RASGRF2: variants seen among roughly 807,000 people sequenced by gnomAD.
The protein encoded by RASGRF2 is ras-specific guanine nucleotide-releasing factor 2.
In RASGRF2, 76 loss-of-function variants were observed where a neutral mutation model predicts 151.0. That is an observed-to-expected ratio of 0.50 (90% CI 0.42 to 0.61). The LOEUF is 0.61. Ranked by LOEUF, RASGRF2 falls within the 20% of genes least tolerant of loss-of-function variation. The pLI, the probability that RASGRF2 is intolerant of heterozygous loss-of-function variation, is 0.00. For missense variants in RASGRF2, 1,148 were observed against 1,564.6 expected (o/e 0.73, Z 4.49); for synonymous variants, 504 against 566.5 (o/e 0.89, Z 1.57).
chr5:81,159,189 G>A (rs1004113125), intron 17 of RASGRF2, among the ~76,000 whole-genome samples: 1 of 152,242 alleles, frequency 6.6e-6, no homozygotes, highest in Admixed American at 6.5e-5. Flanking sequence ...ATGAATGACT[G>A]GGACATGCTA....
rs181050460 is a variant in RASGRF2, at chr5:81,055,229, G to T, written c.395+12246G>T. ...CAGTTTTCAAAGGGAATGCTTCCAG[G>T]TTTTGCCCATTCAGTATGATATTTG... On this transcript the variant is annotated intron_variant, in intron 2 of 26. Transcript: ENST00000265080. Among the ~76,000 whole-genome samples the T allele has an allele frequency of 4.5e-3, 680 of 152,206 alleles. 5 individuals are homozygous for T. Among genetic ancestry groups the T allele is most frequent in the South Asian group, 0.024 (115 of 4,824 alleles).
chr5:81,073,681 C>T (rs1024638198), intron 5 of RASGRF2, among the ~76,000 whole-genome samples: 3 of 151,920 alleles, frequency 2.0e-5, no homozygotes, highest in East Asian at 1.9e-4. Flanking sequence ...TGCAGTGGCA[C>T]AATCTCGGCT....
intron 17 of RASGRF2, among the ~76,000 whole-genome samples, chr5:81,129,177 T>C (rs2112576368): frequency 6.6e-6 from 1 of 152,300 alleles, no homozygotes; most frequent in East Asian, 1.9e-4. Flanking sequence ...GTGGTTTAAA[T>C]AGCCTTGTTG....
intron 17 of RASGRF2, among the ~76,000 whole-genome samples, chr5:81,130,629 C>T (rs1753592101): frequency 6.6e-6 from 1 of 152,092 alleles, no homozygotes; most frequent in African/African-American, 2.4e-5. Context: ...AGGGCTAGAC[C>T]TAGATACCTG....
chr5:81,049,967 C>T (rs1026414217), intron 2 of RASGRF2, among the ~76,000 whole-genome samples: 5 of 152,180 alleles, frequency 3.3e-5, no homozygotes, highest in African/African-American at 4.8e-5. Context: ...CAAACCCAAA[C>T]TCATGTATTT....
At chr5:81,183,364 AT>A (rs1754960255) in intron 18 of RASGRF2, 1 of 945,754 alleles carries the variant, frequency 1.1e-6, no homozygotes, top group African/African-American at 1.8e-5. Flanking sequence ...ATTCAGGAGA[AT>A]TAAAAAGTTG....
chr5:81,085,613 C>CT (rs76354880), intron 7 of RASGRF2, among the ~76,000 whole-genome samples, 189 bp from the exon 8 acceptor site: 1,564 of 151,878 alleles, frequency 0.01, 46 homozygotes, highest in East Asian at 0.1. Context: ...TTGGTGAAGT[C>CT]TTTTTTTTGG....
intron 1 of RASGRF2, among the ~76,000 whole-genome samples, chr5:81,009,468 G>C (rs901765090): frequency 3.9e-5 from 6 of 152,208 alleles, no homozygotes; most frequent in African/African-American, 1.4e-4. Context: ...ATGTCTGTCA[G>C]ATGGAGCATC....
intron 17 of RASGRF2, among the ~76,000 whole-genome samples, chr5:81,129,064 G>A (rs1753547351): frequency 6.6e-6 from 1 of 152,130 alleles, no homozygotes; most frequent in South Asian, 2.1e-4. Context: ...ACTTGAACCT[G>A]GGAGGTAGAG....
chr5:80,995,379 C>CATAT (rs751207758), intron 1 of RASGRF2, among the ~76,000 whole-genome samples: 1,688 of 132,224 alleles, frequency 0.013, 38 homozygotes, highest in African/African-American at 0.042. Flanking sequence ...AATGGAATTT[C>CATAT]ATATATATAT....
chr5:81,032,567 G>C lies in RASGRF2; in HGVS notation c.289-10310G>C, dbSNP rs575790028. 2.0e-5 allele frequency among the ~76,000 whole-genome samples: 3 copies of C among 152,288 alleles called. No individual in the cohort carries two copies. In the South Asian group the frequency reaches 6.2e-4, roughly 32 times the overall value. Reference sequence around the variant, plus strand: ...AAACCACATGATTATCTCAATAGATGCAGAAAAGGCCTTTGACAAAATTCA... The same window carrying C: ...AAACCACATGATTATCTCAATAGATCCAGAAAAGGCCTTTGACAAAATTCA... On this transcript the variant is annotated intron_variant, in intron 1 of 26. Coordinates refer to ENST00000265080, the MANE Select transcript of RASGRF2 (RefSeq NM_006909.3).
chr5:81,048,524 A>G (rs1045072482), intron 2 of RASGRF2, among the ~76,000 whole-genome samples: 2 of 152,228 alleles, frequency 1.3e-5, no homozygotes, highest in Non-Finnish European at 2.9e-5. Flanking sequence ...TACTTTCGTC[A>G]GCTGTCTTTC....
chr5:81,224,656 G>A (rs1435864993), intron 26 of RASGRF2, among the ~76,000 whole-genome samples: 1 of 152,172 alleles, frequency 6.6e-6, no homozygotes, highest in Non-Finnish European at 1.5e-5. Context: ...ACAGATGAAT[G>A]GATAAACAAA....
intron 18 of RASGRF2, among the ~76,000 whole-genome samples, chr5:81,185,618 C>T (rs1561250210): frequency 6.6e-6 from 1 of 152,160 alleles, no homozygotes; most frequent in African/African-American, 2.4e-5. Flanking sequence ...CACTGCCCAC[C>T]TGCCACATCT....
Position 81,207,422 on chromosome 5 carries a change from C to A in RASGRF2, c.3071+73C>A, listed in dbSNP as rs539799411. 61 of 1,333,464 alleles carry A rather than the reference C, an allele frequency of 4.6e-5. 1 individual carries two copies. In the East Asian group the frequency reaches 1.3e-3, roughly 27 times the overall value. The allele number at this position is 1,333,464 out of a possible 1,614,324, so 82.6% of individuals were successfully genotyped here. On this transcript the variant is annotated intron_variant, in intron 21 of 26. Transcript: ENST00000265080. Reference sequence around the variant, plus strand: ...TTAGAAGTTGACATTATTCCTAAGGCAGGTTGTGTGTATGTCTGTCCCCTC... The same window carrying A: ...TTAGAAGTTGACATTATTCCTAAGGAAGGTTGTGTGTATGTCTGTCCCCTC...
intron 2 of RASGRF2, among the ~76,000 whole-genome samples, chr5:81,064,462 A>G (rs1751535763): frequency 6.6e-6 from 1 of 152,192 alleles, no homozygotes; most frequent in African/African-American, 2.4e-5. Context: ...GCTCACACTC[A>G]AAAGGAAGGC....
At chr5:81,102,006 C>G (rs1752710171) in intron 12 of RASGRF2, among the ~76,000 whole-genome samples, 1 of 152,102 alleles carries the variant, frequency 6.6e-6, no homozygotes, top group African/African-American at 2.4e-5. Context: ...TTAGGTTCCC[C>G]TCTAGCTATA....
At position 81,113,476 on chromosome 5, in the gene RASGRF2, G is replaced by T. The variant is rs1753058735; in HGVS notation, c.2088-62G>T. On this transcript the variant is annotated intron_variant, in intron 14 of 26. Coordinates refer to ENST00000265080, the MANE Select transcript of RASGRF2 (RefSeq NM_006909.3). ...AAATGAAGGGAACATGTTCTTGAAT[G>T]ACATCTGGGAATTCATTTCACTTGG... 1.4e-5 allele frequency: 21 copies of T among 1,474,018 alleles called. No individual in the cohort carries two copies. The Middle Eastern group carries it at 2.3e-3, about 162-fold the overall frequency. The allele number at this position is 1,474,018 out of a possible 1,614,324, so 91.3% of individuals were successfully genotyped here.
chr5:81,176,992 C>T (rs936717231), intron 17 of RASGRF2, among the ~76,000 whole-genome samples: 2 of 152,102 alleles, frequency 1.3e-5, no homozygotes, highest in South Asian at 2.1e-4. Flanking sequence ...TTTATGTGGG[C>T]GTCTCAGTTC....
Sources: allele counts gnomAD v4.1 joint callset (sites outside exome capture counted in the v4.1 genomes callset), GRCh38; gene constraint gnomAD v4.1.1; transcripts MANE v1.5; gene names NCBI Gene and HGNC (gene_info 2026-07-23, HGNC 2026-07-21).